The following GPHN variants were observed in gnomAD, a reference collection of about 807,000 sequenced individuals.
The protein encoded by GPHN is gephyrin.
A neutral mutation model predicts 95.5 loss-of-function variants in GPHN; 17 were observed. The ratio of observed to expected loss-of-function variants is 0.18; its 90% CI spans 0.12 to 0.27. GPHN has a LOEUF of 0.27. GPHN is among the 10% of genes least tolerant of loss of function. The pLI is 1.00. For synonymous variants in GPHN, 320 were observed against 322.5 expected, an observed-to-expected ratio of 0.99 and a Z score of 0.08; for missense variants, 660 against 978.1, an observed-to-expected ratio of 0.67 and a Z score of 4.34.
chr14:67,390,040 T>A, the GPHN span, among the ~76,000 whole-genome samples: 2 of 152,328 alleles, frequency 1.3e-5, no homozygotes, highest in East Asian at 3.9e-4. Context: ...CAAAAACTAA[T>A]GAAAGTCATA....
the GPHN span, chr14:67,572,093 G>A: frequency 1.9e-6 from 3 of 1,582,908 alleles, no homozygotes; most frequent in Non-Finnish European, 2.6e-6. Context: ...GTGAGTCGGG[G>A]AGGTGTGGGA....
chr14:67,683,031 A>G, the GPHN span, among the ~76,000 whole-genome samples: 809 of 152,362 alleles, frequency 5.3e-3, 4 homozygotes, highest in Non-Finnish European at 9.6e-3. Context: ...AGTAAAGGCA[A>G]ATTCTTAGAG....
At chr14:67,257,982 C>A in the GPHN span, among the ~76,000 whole-genome samples, 1 of 152,146 alleles carries the variant, frequency 6.6e-6, no homozygotes, top group African/African-American at 2.4e-5. Context: ...TTAACTACTT[C>A]ATTCGATTGT....
chr14:67,550,742 G>A, the GPHN span, among the ~76,000 whole-genome samples: 1 of 152,220 alleles, frequency 6.6e-6, no homozygotes, highest in African/African-American at 2.4e-5. Context: ...GGATTTTTAT[G>A]TGACATGTGA....
chr14:66,882,812 A>G (rs2063991372), intron 5 of GPHN, among the ~76,000 whole-genome samples: 1 of 151,238 alleles, frequency 6.6e-6, no homozygotes, highest in South Asian at 2.1e-4. Context: ...GGATATTTTC[A>G]CTAGATACAG....
the GPHN span, among the ~76,000 whole-genome samples, chr14:67,644,561 C>T: frequency 2.6e-5 from 4 of 152,208 alleles, no homozygotes. Context: ...CTGCATTTCC[C>T]ATCTATGTCA....
the GPHN span, among the ~76,000 whole-genome samples, chr14:67,288,061 T>C: frequency 4.1e-4 from 62 of 152,062 alleles, no homozygotes; most frequent in Non-Finnish European, 8.1e-4. Context: ...CACAACACAC[T>C]AACAGCCAGG....
Position 66,649,157 on chromosome 14 carries a change from C to T in GPHN, c.65-31950C>T, listed in dbSNP as rs576603447. On this transcript the variant is annotated intron_variant, in intron 1 of 22. Transcript: ENST00000478722. ...GACCAGCCTAGGCAACATGGTGAAA[C>T]CCTGTGTCTACTAAAATACAATCGA... 5.3e-5 allele frequency among the ~76,000 whole-genome samples: 8 copies of T among 152,232 alleles called. No homozygotes were observed. In the South Asian group the frequency reaches 1.0e-3, roughly 20 times the overall value.
At chr14:67,500,189 C>T in the GPHN span, among the ~76,000 whole-genome samples, 1 of 151,868 alleles carries the variant, frequency 6.6e-6, no homozygotes, top group Non-Finnish European at 1.5e-5. Context: ...AAATAGAAAA[C>T]AATAGGCCAT....
At chr14:67,149,646 A>G (rs1406085773) in intron 18 of GPHN, among the ~76,000 whole-genome samples, 1 of 152,236 alleles carries the variant, frequency 6.6e-6, no homozygotes, top group Admixed American at 6.5e-5. Flanking sequence ...TGTTCCTTAT[A>G]TAATTGCAAC....
chr14:67,453,629 G>C, the GPHN span, among the ~76,000 whole-genome samples: 1 of 152,218 alleles, frequency 6.6e-6, no homozygotes, highest in Non-Finnish European at 1.5e-5. Context: ...TGGTGTCCCT[G>C]TCTCAGAAAC....
chr14:67,325,328 A>G, the GPHN span, among the ~76,000 whole-genome samples: 1 of 152,180 alleles, frequency 6.6e-6, no homozygotes, highest in Non-Finnish European at 1.5e-5. Context: ...AGGTTAAGAA[A>G]TGATATATAT....
At chr14:67,308,931 C>G in the GPHN span, among the ~76,000 whole-genome samples, 1 of 151,990 alleles carries the variant, frequency 6.6e-6, no homozygotes, top group Non-Finnish European at 1.5e-5. Flanking sequence ...TGTAAATAAA[C>G]TGATGAATCA....
At chr14:67,188,390 G>A in the GPHN span, among the ~76,000 whole-genome samples, 4 of 151,892 alleles carry the variant, frequency 2.6e-5, no homozygotes, top group South Asian at 2.1e-4. Flanking sequence ...AAAAATGGAC[G>A]TGAGATAATA....
At chr14:66,612,939 C>T (rs1480068576) in intron 1 of GPHN, among the ~76,000 whole-genome samples, 24 of 151,968 alleles carry the variant, frequency 1.6e-4, no homozygotes, top group Non-Finnish European at 3.4e-4. Flanking sequence ...ATTTGTATAT[C>T]CATTTGGTTT....
At chr14:66,595,342 G>A (rs1053257267) in intron 1 of GPHN, among the ~76,000 whole-genome samples, 1 of 152,328 alleles carries the variant, frequency 6.6e-6, no homozygotes, top group Non-Finnish European at 1.5e-5. Context: ...AGAGATGCCT[G>A]TATTTCTGTC....
At chr14:67,575,724 A>G in the GPHN span, 1 of 902,738 alleles carries the variant, frequency 1.1e-6, no homozygotes, top group Non-Finnish European at 1.7e-6. Flanking sequence ...ATCGGTCCAT[A>G]TCCACGATTC....
At chr14:67,294,130 CAT>C in the GPHN span, among the ~76,000 whole-genome samples, 4 of 152,260 alleles carry the variant, frequency 2.6e-5, no homozygotes, top group East Asian at 3.9e-4. Context: ...CACATATTCA[CAT>C]ATGTGAATAT....
intron 1 of GPHN, among the ~76,000 whole-genome samples, chr14:66,613,450 T>G (rs771309543): frequency 1.3e-5 from 2 of 151,932 alleles, no homozygotes; most frequent in Non-Finnish European, 2.9e-5. Flanking sequence ...AAAAAATAGA[T>G]CATGAAAAGG....
Sources: gnomAD v4.1 joint callset for allele counts (sites outside exome capture counted in the v4.1 genomes callset) on GRCh38, gnomAD v4.1.1 for gene constraint, MANE v1.5 for transcripts, NCBI Gene and HGNC (gene_info 2026-07-23, HGNC 2026-07-21) for gene names.